Variants in PPFIBP2 observed in about 807,000 individuals in gnomAD.
The protein encoded by PPFIBP2 is liprin-beta-2.
PPFIBP2 carries 118 observed loss-of-function variants against 118.3 expected under a neutral mutation model. The ratio of observed to expected loss-of-function variants is 1.00; its 90% CI spans 0.86 to 1.16. The LOEUF is 1.16. PPFIBP2 is among the 50% of genes most tolerant of loss of function. The pLI, the probability that PPFIBP2 is intolerant of heterozygous loss-of-function variation, is 0.00. For missense variants in PPFIBP2, 1,195 were observed against 1,073.1 expected (o/e 1.11, Z -1.59); for synonymous variants, 414 against 397.4 (o/e 1.04, Z -0.50).
chr11:7,645,026 CAAAAAAAAAAAAAAAAAAAAAAA>C (rs57087700), intron 17 of PPFIBP2, among the ~76,000 whole-genome samples: 1 of 81,814 alleles, frequency 1.2e-5, no homozygotes, highest in Non-Finnish European at 2.1e-5. Context: ...GACTCCGTCT[CAAAAAAAAAAAAAAAAAAAAAAA>C]AAAAAAAAAA....
chr11:7,566,331 T>C (rs1854983187), intron 3 of PPFIBP2, among the ~76,000 whole-genome samples: 1 of 152,230 alleles, frequency 6.6e-6, no homozygotes, highest in African/African-American at 2.4e-5. Flanking sequence ...GGACAAAGAA[T>C]GCATTTCCCA....
At chr11:7,544,582 G>T (rs1852121704) in intron 1 of PPFIBP2, among the ~76,000 whole-genome samples, 3 of 151,906 alleles carry the variant, frequency 2.0e-5, no homozygotes, top group Non-Finnish European at 4.4e-5. Flanking sequence ...AGACCATCCT[G>T]GCTAACACGG....
intron 2 of PPFIBP2, among the ~76,000 whole-genome samples, chr11:7,552,764 C>G (rs146843664): frequency 6.6e-6 from 1 of 151,828 alleles, no homozygotes; most frequent in Non-Finnish European, 1.5e-5. Flanking sequence ...GCCCCCCCCT[C>G]TCCTGGAATG....
chr11:7,549,342 C>T (rs1374010339), intron 1 of PPFIBP2, 98 bp from the exon 2 acceptor site: 11 of 1,085,114 alleles, frequency 1.0e-5, no homozygotes, highest in Admixed American at 2.1e-5. Context: ...CTTATGAAAA[C>T]ACGTTGTGTG....
intron 23 of PPFIBP2, 56 bp downstream of exon 23, chr11:7,651,900 G>A (rs1474348284): frequency 2.0e-6 from 3 of 1,495,130 alleles, no homozygotes; most frequent in African/African-American, 1.4e-5. Context: ...CCCTCACGCA[G>A]CACAGCACCT....
At chr11:7,577,553 T>C (rs1434965972) in intron 3 of PPFIBP2, 2 of 456,622 alleles carry the variant, frequency 4.4e-6, no homozygotes, top group Admixed American at 4.7e-5. Flanking sequence ...AAGGGCTTTT[T>C]CCACCAAGGC....
At chr11:7,564,602 C>G (rs565318725) in intron 2 of PPFIBP2, among the ~76,000 whole-genome samples, 1 of 152,166 alleles carries the variant, frequency 6.6e-6, no homozygotes, top group Admixed American at 6.5e-5. Flanking sequence ...AAACTACCAT[C>G]GTTTCTTTGT....
intron 18 of PPFIBP2, 120 bp downstream of exon 18, chr11:7,648,657 C>T: frequency 6.7e-7 from 1 of 1,492,336 alleles, no homozygotes; most frequent in Non-Finnish European, 9.3e-7. Flanking sequence ...CTGAGAGTTC[C>T]TCTGTAGCTG....
intron 6 of PPFIBP2, among the ~76,000 whole-genome samples, chr11:7,610,877 G>C (rs1240701201): frequency 6.6e-6 from 1 of 152,226 alleles, no homozygotes; most frequent in Non-Finnish European, 1.5e-5. Flanking sequence ...CTCTTTTCCT[G>C]ATGGGTCTTA....
chr11:7,597,500 G>A, intron 4 of PPFIBP2, 60 bp from the exon 5 acceptor site: 2 of 1,554,982 alleles, frequency 1.3e-6, no homozygotes, highest in Non-Finnish European at 1.8e-6. Context: ...GAGGTGGGGA[G>A]GCTTTCCTGC....
the PPFIBP2 span, chr11:7,666,580 C>G: frequency 6.5e-7 from 1 of 1,532,584 alleles, no homozygotes. Context: ...GAAAAAGCCC[C>G]TCCAGGGCCA....
At chr11:7,665,570 C>G in the PPFIBP2 span, 2 of 1,579,562 alleles carry the variant, frequency 1.3e-6, no homozygotes, top group Non-Finnish European at 1.7e-6. Flanking sequence ...GATGCAGGAG[C>G]AAGCTGAGCG....
chr11:7,547,870 G>A (rs906119548), intron 1 of PPFIBP2, among the ~76,000 whole-genome samples: 2 of 152,076 alleles, frequency 1.3e-5, no homozygotes, highest in Admixed American at 6.5e-5. Context: ...CCACAAGCAT[G>A]GTTGCTTATC....
chr11:7,516,692 AC>A (rs1849255307), intron 1 of PPFIBP2, among the ~76,000 whole-genome samples: 1 of 152,092 alleles, frequency 6.6e-6, no homozygotes, highest in Non-Finnish European at 1.5e-5. Flanking sequence ...GTCTGATGTA[AC>A]TTCTGCACAG....
At chr11:7,624,390 T>C (rs1849712523) in intron 7 of PPFIBP2, among the ~76,000 whole-genome samples, 2 of 152,242 alleles carry the variant, frequency 1.3e-5, no homozygotes, top group Non-Finnish European at 1.5e-5. Flanking sequence ...GCACGGGGGC[T>C]GATCAGGGTG....
intron 2 of PPFIBP2, among the ~76,000 whole-genome samples, chr11:7,552,322 T>C (rs570163029): frequency 1.3e-5 from 2 of 152,374 alleles, no homozygotes; most frequent in South Asian, 2.1e-4. Context: ...AAATGTTAGC[T>C]CTTGATAGAT....
rs747868158 is a variant in PPFIBP2 at position 7,565,598 on chromosome 11, G to A, written c.110G>A (p.Gly37Glu). Reference protein sequence around the residue: ...ADLSDGTCEPGLASPASYMNP... With the variant: ...ADLSDGTCEPELASPASYMNP... ...CTTAGTGATGGTACTTGTGAGCCTG[G>A]ACTGGCTTCCCCGGCCTCCTACATG... Residue 37 changes from glycine to glutamate, a missense_variant, in exon 3 of 24, where the codon GGA (glycine) becomes GAA (glutamate). Gly to Glu is a moderately conservative substitution (Grantham distance 98, BLOSUM62 -2). Transcript: ENST00000299492. The A allele has an allele frequency of 1.2e-6, 2 of 1,614,056 alleles. No homozygotes were observed. The highest frequency in any genetic ancestry group is 2.7e-5 in the African/African-American group (2 of 74,908).
At chr11:7,577,426 G>C (rs1856588251) in intron 3 of PPFIBP2, 1 of 398,186 alleles carries the variant, frequency 2.5e-6, no homozygotes, top group South Asian at 1.9e-5. Context: ...AAACTGTCTA[G>C]GGAGAGGCTG....
intron 5 of PPFIBP2, 148 bp from the exon 6 acceptor site, chr11:7,610,143 A>G (rs1404357384): frequency 1.1e-5 from 11 of 1,028,154 alleles, no homozygotes; most frequent in South Asian, 1.5e-5. Context: ...AGGCCCATCC[A>G]TAATAGGCCT....
Sources: allele counts gnomAD v4.1 joint callset (sites outside exome capture counted in the v4.1 genomes callset), GRCh38; gene constraint gnomAD v4.1.1; transcripts MANE v1.5; gene names NCBI Gene and HGNC (gene_info 2026-07-23, HGNC 2026-07-21).